The following CECR2 variants were observed in gnomAD, a reference collection of about 807,000 sequenced individuals.
CECR2 encodes the protein CECR2 histone acetyl-lysine reader, also known as chromatin remodeling regulator CECR2.
A neutral mutation model predicts 154.5 loss-of-function variants in CECR2; 30 were observed. The ratio of observed to expected loss-of-function variants is 0.19; its 90% CI spans 0.15 to 0.26. The LOEUF is 0.26. Among genes scored for constraint, CECR2 ranks in the 10% least tolerant of loss-of-function variants. The pLI is 1.00. For synonymous variants in CECR2, 725 were observed against 683.7 expected, an observed-to-expected ratio of 1.06 and a Z score of -0.94; for missense variants, 1,743 against 1,829.3, an observed-to-expected ratio of 0.95 and a Z score of 0.86.
chr22:17,374,227 G>A (rs1200169876), intron 1 of CECR2, among the ~76,000 whole-genome samples: 1 of 152,058 alleles, frequency 6.6e-6, no homozygotes, highest in Non-Finnish European at 1.5e-5. Flanking sequence ...TGCCTTCCTT[G>A]TGTCTCCTTC....
chr22:17,516,384 C>T (rs1462274139), intron 8 of CECR2, among the ~76,000 whole-genome samples: 3 of 152,102 alleles, frequency 2.0e-5, no homozygotes, highest in African/African-American at 4.8e-5. Context: ...ACACAAATCT[C>T]GAAGTGCAAG....
chr22:17,396,236 C>T (rs2053807889), intron 1 of CECR2, among the ~76,000 whole-genome samples: 1 of 131,012 alleles, frequency 7.6e-6, no homozygotes, highest in South Asian at 2.4e-4. Context: ...GAGTGAGACC[C>T]TTTCTCAAAA....
intron 16 of CECR2, among the ~76,000 whole-genome samples, chr22:17,546,368 C>T (rs1401693318): frequency 2.0e-5 from 3 of 151,914 alleles, no homozygotes; most frequent in Middle Eastern, 3.4e-3. Context: ...CGCCTGTAGT[C>T]CCAGCTACTC....
At chr22:17,386,826 ATTGTAGTAGAGACAGGGT>A (rs946567261) in intron 1 of CECR2, among the ~76,000 whole-genome samples, 4 of 151,732 alleles carry the variant, frequency 2.6e-5, no homozygotes, top group Non-Finnish European at 5.9e-5. Context: ...AATTTTTGTA[ATTGTAGTAGAGACAGGGT>A]TTCATCATAT....
intron 9 of CECR2, among the ~76,000 whole-genome samples, chr22:17,533,188 C>T (rs1455933253): frequency 6.6e-6 from 1 of 151,352 alleles, no homozygotes; most frequent in Non-Finnish European, 1.5e-5. Flanking sequence ...TGTTGGTGCA[C>T]TTCTGTAATC....
intron 13 of CECR2, 25 bp downstream of exon 13, chr22:17,539,144 A>G: frequency 6.2e-7 from 1 of 1,609,354 alleles, no homozygotes; most frequent in Non-Finnish European, 8.5e-7. Flanking sequence ...AGTTTGTGCT[A>G]GATACATATC....
At chr22:17,513,120 G>C (rs1484941946) in intron 8 of CECR2, among the ~76,000 whole-genome samples, 1 of 152,156 alleles carries the variant, frequency 6.6e-6, no homozygotes, top group Non-Finnish European at 1.5e-5. Context: ...GGAGCCTGAA[G>C]CAGGAGATTT....
At chr22:17,435,406 G>A (rs1346542569) in intron 1 of CECR2, among the ~76,000 whole-genome samples, 1 of 152,094 alleles carries the variant, frequency 6.6e-6, no homozygotes, top group Non-Finnish European at 1.5e-5. Context: ...AGATCGGAAA[G>A]CAAGGTAGAA....
At chr22:17,510,896 C>A (rs572387903) in intron 7 of CECR2, among the ~76,000 whole-genome samples, 1 of 152,176 alleles carries the variant, frequency 6.6e-6, no homozygotes, top group Non-Finnish European at 1.5e-5. Flanking sequence ...TGAGCCACCC[C>A]ACCCAGCCCG....
intron 2 of CECR2, among the ~76,000 whole-genome samples, chr22:17,496,070 A>G (rs1284432104): frequency 6.6e-6 from 1 of 152,026 alleles, no homozygotes; most frequent in Non-Finnish European, 1.5e-5. Context: ...AAAAATTTAA[A>G]TTGCCATCTA....
At chr22:17,536,888 G>A (rs1052131225) in intron 9 of CECR2, among the ~76,000 whole-genome samples, 3 of 152,126 alleles carry the variant, frequency 2.0e-5, no homozygotes, top group Non-Finnish European at 4.4e-5. Flanking sequence ...CTCAGTGTGA[G>A]TGAGGAAACA....
chr22:17,365,570 C>T (rs549843099), upstream of CECR2, among the ~76,000 whole-genome samples: 44 of 152,162 alleles, frequency 2.9e-4, no homozygotes, highest in African/African-American at 1.0e-3. Flanking sequence ...GTGGTGGGTG[C>T]CTGTACACCC....
rs1377926150 is a variant in CECR2, at chr22:17,525,200, G to T, written c.1108+929G>T. Reference sequence around the variant, plus strand: ...CTCAGGAGGCTGAGGCAGGAGAATCGCTTGAACCCAGGAAGTGGAGGTTGC... The same window carrying T: ...CTCAGGAGGCTGAGGCAGGAGAATCTCTTGAACCCAGGAAGTGGAGGTTGC... On this transcript the variant is annotated intron_variant, in intron 9 of 18. Transcript: ENST00000262608. 5.6e-5 allele frequency among the ~76,000 whole-genome samples: 8 copies of T among 142,262 alleles called. No homozygotes were observed. In the East Asian group the frequency reaches 1.7e-3, roughly 30 times the overall value. 93.3% of individuals were successfully genotyped at this position (142,262 alleles called of 152,430 possible).
chr22:17,537,386 G>A (rs577766606), intron 10 of CECR2, among the ~76,000 whole-genome samples, 154 bp downstream of exon 10: 5 of 152,090 alleles, frequency 3.3e-5, no homozygotes, highest in Non-Finnish European at 7.4e-5. Context: ...ACACAGACAC[G>A]CCTAGCTACC....
chr22:17,426,864 A>AG (rs1164009513), intron 1 of CECR2, among the ~76,000 whole-genome samples: 6 of 152,112 alleles, frequency 3.9e-5, no homozygotes, highest in East Asian at 1.9e-4. Context: ...GGGGGAACAC[A>AG]AATTTTTTTT....
chr22:17,552,141 AG>A lies in CECR2; in HGVS notation c.4389+1del. The A allele has an allele frequency of 6.2e-7, 1 of 1,613,338 alleles. No homozygotes were observed. The highest frequency in any genetic ancestry group is 8.5e-7 in the Non-Finnish European group (1 of 1,179,292). On this transcript the variant is annotated frameshift_variant and splice_region_variant, in exon 18 of 19. Transcript: ENST00000262608. LOFTEE classifies it high-confidence loss of function. The stretch of plus-strand genomic sequence containing the variant: ...AAGCCTCCAACACTTCCCCTGGATC[AG>A]GTAAGGATCACTAAAAATTAGAGCT... ...PHKPPTLPLD[Q>X]S
intron 1 of CECR2, among the ~76,000 whole-genome samples, chr22:17,378,776 A>G (rs2146462543): frequency 6.6e-6 from 1 of 152,344 alleles, no homozygotes; most frequent in African/African-American, 2.4e-5. Context: ...GTCATTGTAT[A>G]GAAGGTACAC....
At chr22:17,440,550 C>T (rs2054569698) in intron 1 of CECR2, among the ~76,000 whole-genome samples, 1 of 152,168 alleles carries the variant, frequency 6.6e-6, no homozygotes, top group African/African-American at 2.4e-5. Flanking sequence ...TGTCCTTACA[C>T]TTATTATGAT....
Position 17,542,161 on chromosome 22 carries a change from C to T in CECR2, c.2018C>T (p.Pro673Leu), listed in dbSNP as rs773104468. 1 of 1,608,524 alleles carries T rather than the reference C, an allele frequency of 6.2e-7. No homozygotes were observed. Among genetic ancestry groups the T allele is most frequent in the Non-Finnish European group, 8.5e-7 (1 of 1,175,806 alleles). Residue 673 changes from proline to leucine, a missense_variant, in exon 16 of 19, where the codon CCA becomes CTA. By Grantham distance (98) the Pro-to-Leu change is moderately conservative. This residue lies in a region of CECR2 where 1,250 missense variants were observed against 1,192.1 expected (regional missense o/e 1.05). Transcript: ENST00000262608. ...GCTGCCTTTTCTCGTTGCCAGCCTC[C>T]AGTTGGAATTAACAGCCTCCGAGGA... ...QQRQPFTMQP[P>L]VGINSLRGPR...
Sources: allele counts gnomAD v4.1 joint callset (sites outside exome capture counted in the v4.1 genomes callset), GRCh38; gene constraint gnomAD v4.1.1; regional missense constraint gnomAD v4.1.1; transcripts MANE v1.5; gene names NCBI Gene and HGNC (gene_info 2026-07-23, HGNC 2026-07-21).